ANK3: variants seen among roughly 807,000 people sequenced by gnomAD.
ANK3 encodes the protein ankyrin 3, also known as ankyrin-3.
Under a neutral mutation model 370.9 loss-of-function variants are expected in ANK3, and 57 were observed. The observed-to-expected ratio is 0.15, with a 90% CI of 0.12 to 0.19. The LOEUF (loss-of-function observed/expected upper bound fraction) is 0.19, where lower values mean the gene tolerates loss of function less well. ANK3 is among the 10% of genes least tolerant of loss of function. The pLI is 1.00. For missense variants in ANK3, 4,439 were observed against 5,302.1 expected (o/e 0.84, Z 5.06); for synonymous variants, 1,929 against 1,946.3 (o/e 0.99, Z 0.23).
intron 2 of ANK3, among the ~76,000 whole-genome samples, chr10:60,573,554 C>G (rs558183432): frequency 1.4e-4 from 22 of 152,298 alleles, no homozygotes; most frequent in African/African-American, 5.1e-4. Context: ...CCCCACTGCA[C>G]GCCATCCTGA....
chr10:60,097,549 C>T (rs914095761), intron 28 of ANK3, among the ~76,000 whole-genome samples: 2 of 152,122 alleles, frequency 1.3e-5, no homozygotes, highest in African/African-American at 2.4e-5. Context: ...TTACAAACAA[C>T]AAGAATCATA....
At chr10:60,387,446 C>A (rs934587772) in intron 1 of ANK3, among the ~76,000 whole-genome samples, 2 of 93,426 alleles carry the variant, frequency 2.1e-5, no homozygotes, top group South Asian at 1.0e-3. Flanking sequence ...TTGTACATTA[C>A]AAGTAGTATA....
chr10:60,232,984 G>C (rs1276726263), intron 8 of ANK3, among the ~76,000 whole-genome samples: 2 of 152,214 alleles, frequency 1.3e-5, no homozygotes, highest in Non-Finnish European at 2.9e-5. Context: ...AGGATTGCAG[G>C]AGTTGCAGTT....
chr10:60,303,213 T>C (rs965139093), intron 1 of ANK3, among the ~76,000 whole-genome samples: 3 of 152,136 alleles, frequency 2.0e-5, no homozygotes, highest in Non-Finnish European at 2.9e-5. Context: ...TAAATGAGAC[T>C]ACATCAAACT....
At chr10:60,178,382 TC>T (rs966084834) in intron 18 of ANK3, among the ~76,000 whole-genome samples, 19 of 152,222 alleles carry the variant, frequency 1.2e-4, no homozygotes. Flanking sequence ...AATTACTTTT[TC>T]TGTGCCTCAG....
intron 2 of ANK3, among the ~76,000 whole-genome samples, chr10:60,486,967 C>T (rs564902550): frequency 1.8e-4 from 28 of 152,198 alleles, no homozygotes; most frequent in South Asian, 6.2e-4. Flanking sequence ...TTAAATTCCA[C>T]GCTATTTATG....
At chr10:60,623,069 G>T (rs899043915) in intron 1 of ANK3, among the ~76,000 whole-genome samples, 14 of 152,216 alleles carry the variant, frequency 9.2e-5, no homozygotes, top group Non-Finnish European at 1.5e-4. Flanking sequence ...ATTTTAAGGA[G>T]TCTGTACTTG....
chr10:60,702,878 A>C (rs2079563532), intron 1 of ANK3, among the ~76,000 whole-genome samples: 1 of 152,212 alleles, frequency 6.6e-6, no homozygotes, highest in Non-Finnish European at 1.5e-5. Context: ...TCTAAAAAGA[A>C]GTCTTACAAA....
At chr10:60,472,395 AC>A (rs2133084776) in intron 2 of ANK3, among the ~76,000 whole-genome samples, 1 of 152,314 alleles carries the variant, frequency 6.6e-6, no homozygotes, top group South Asian at 2.1e-4. Flanking sequence ...CCATCACAAA[AC>A]ACTGTAGTGC....
At chr10:60,565,934 T>C (rs1232562704) in intron 2 of ANK3, among the ~76,000 whole-genome samples, 1 of 152,214 alleles carries the variant, frequency 6.6e-6, no homozygotes, top group South Asian at 2.1e-4. Flanking sequence ...TTTGCAGATA[T>C]TGCATTTTTT....
At chr10:60,391,508 T>TC (rs144760306), upstream of ANK3, among the ~76,000 whole-genome samples, 14,054 of 152,266 alleles carry the variant, frequency 0.092, 820 homozygotes, top group South Asian at 0.14. Flanking sequence ...GTATGCATTT[T>TC]CCCAATATAA....
intron 7 of ANK3, among the ~76,000 whole-genome samples, chr10:60,236,827 G>T (rs955524802): frequency 6.6e-6 from 1 of 152,186 alleles, no homozygotes; most frequent in South Asian, 2.1e-4. Flanking sequence ...AACTTTGTCC[G>T]CAAAGGGCCA....
chr10:60,641,581 G>T (rs1378905578), intron 1 of ANK3, among the ~76,000 whole-genome samples: 12 of 150,914 alleles, frequency 8.0e-5, no homozygotes, highest in South Asian at 6.3e-4. Context: ...TAGCCATATG[G>T]AGAAAGCTGA....
At chr10:60,276,717 A>G (rs2098095801) in intron 4 of ANK3, among the ~76,000 whole-genome samples, 1 of 152,230 alleles carries the variant, frequency 6.6e-6, no homozygotes, top group South Asian at 2.1e-4. Context: ...TACTCTAACC[A>G]TTAATAGTCA....
rs962568775 is a variant in ANK3, at chr10:60,615,185, C to A, written c.96+1G>T. 1 of 1,507,162 alleles carries A rather than the reference C, an allele frequency of 6.6e-7. No homozygotes were observed. The highest frequency in any genetic ancestry group is 8.8e-7 in the Non-Finnish European group (1 of 1,134,794). The allele number at this position is 1,507,162 out of a possible 1,614,324, so 93.4% of individuals were successfully genotyped here. A position where few individuals can be genotyped will look rare whatever the true frequency, so the allele number is the denominator to read the frequency against. ...TTGAGTTTAGTGATAATTTTCATTA[C>A]CTTTCTAGAGCTTCGTGAATAATCT... On this transcript the variant is annotated splice_donor_variant, in intron 2 of 43. Coordinates refer to the ANK3 transcript ENST00000373827. LOFTEE classifies it high-confidence loss of function.
chr10:60,092,009 G>A (rs548797324), intron 28 of ANK3, among the ~76,000 whole-genome samples: 4 of 152,276 alleles, frequency 2.6e-5, no homozygotes, highest in South Asian at 2.1e-4. Context: ...GATTACGGGC[G>A]TGAGCCACCG....
At chr10:60,556,510 A>G (rs2077210149) in intron 2 of ANK3, among the ~76,000 whole-genome samples, 1 of 152,150 alleles carries the variant, frequency 6.6e-6, no homozygotes, top group Admixed American at 6.5e-5. Flanking sequence ...GCTGCCATTG[A>G]CTAAAAACTC....
At chr10:60,102,826 T>C (rs2091509079) in intron 28 of ANK3, among the ~76,000 whole-genome samples, 1 of 152,188 alleles carries the variant, frequency 6.6e-6, no homozygotes, top group Non-Finnish European at 1.5e-5. Flanking sequence ...AATTCATCTA[T>C]GGAGAAGGGG....
At chr10:60,688,312 C>T (rs947875846) in intron 1 of ANK3, among the ~76,000 whole-genome samples, 5 of 152,002 alleles carry the variant, frequency 3.3e-5, no homozygotes, top group Non-Finnish European at 5.9e-5. Flanking sequence ...GTGATCCACC[C>T]GCCTCAGCCT....
Sources: allele counts gnomAD v4.1 joint callset (sites outside exome capture counted in the v4.1 genomes callset), GRCh38; gene constraint gnomAD v4.1.1; transcripts MANE v1.5; gene names NCBI Gene and HGNC (gene_info 2026-07-23, HGNC 2026-07-21).